The following ZNF277 variants were observed in gnomAD, a reference collection of about 807,000 sequenced individuals.
ZNF277 encodes nuclear receptor-interacting factor 4.
Under a neutral mutation model 60.7 loss-of-function variants are expected in ZNF277, and 55 were observed. That is an observed-to-expected ratio of 0.91 (90% CI 0.73 to 1.13). ZNF277 has a LOEUF of 1.13. Among genes scored for constraint, ZNF277 ranks in the 50% most tolerant of loss-of-function variants. ZNF277 has a pLI of 0.00. For missense variants in ZNF277, 510 were observed against 523.0 expected (o/e 0.98, Z 0.24); for synonymous variants, 178 against 179.3 (o/e 0.99, Z 0.06).
In ZNF277 at chr7:112,336,185, T is replaced by C. The variant is rs1321440261; in HGVS notation, c.869+14T>C. ...CCATCAGGAAGAGTAAGAGTTGTTA[T>C]TGCTGCTAATTAATTGCAGTGTTCC... On this transcript the variant is annotated intron_variant, in intron 8 of 11. Transcript: ENST00000361822. 5 of 1,602,578 alleles carry C rather than the reference T, an allele frequency of 3.1e-6. No homozygotes were observed. The highest frequency in any genetic ancestry group is 4.3e-6 in the Non-Finnish European group (5 of 1,173,706).
intron 1 of ZNF277, among the ~76,000 whole-genome samples, chr7:112,277,670 C>T (rs1340395754): frequency 6.6e-6 from 1 of 152,168 alleles, no homozygotes; most frequent in Non-Finnish European, 1.5e-5. Flanking sequence ...TGCCTAATAG[C>T]TACCATTGTT....
intron 1 of ZNF277, among the ~76,000 whole-genome samples, chr7:112,284,266 C>T (rs999330066): frequency 6.6e-6 from 1 of 152,162 alleles, no homozygotes; most frequent in Non-Finnish European, 1.5e-5. Context: ...GGCTTGTTTT[C>T]AGCAGTCAAA....
chr7:112,305,237 A>C (rs568301347), intron 4 of ZNF277, among the ~76,000 whole-genome samples: 1 of 151,984 alleles, frequency 6.6e-6, no homozygotes, highest in African/African-American at 2.4e-5. Context: ...TAATAATAAT[A>C]ATAATAAGCT....
chr7:112,257,256 A>G (rs1464614794), intron 1 of ZNF277, among the ~76,000 whole-genome samples: 1 of 152,176 alleles, frequency 6.6e-6, no homozygotes, highest in Non-Finnish European at 1.5e-5. Flanking sequence ...TTAAACAAAT[A>G]TTTACCCAGC....
At chr7:112,337,597 C>G (rs778719482) in intron 8 of ZNF277, 133 bp from the exon 9 acceptor site, 1 of 621,844 alleles carries the variant, frequency 1.6e-6, no homozygotes, top group Non-Finnish European at 2.7e-6. Flanking sequence ...ATGTGACAGT[C>G]TTTACCAAAA....
intron 1 of ZNF277, among the ~76,000 whole-genome samples, chr7:112,248,548 A>G (rs181537033): frequency 1.3e-3 from 194 of 152,254 alleles, no homozygotes; most frequent in African/African-American, 4.4e-3. Flanking sequence ...ATGTAACACT[A>G]GAAAGTATAA....
intron 4 of ZNF277, among the ~76,000 whole-genome samples, chr7:112,308,571 G>A (rs1006063158): frequency 5.9e-5 from 9 of 151,988 alleles, no homozygotes; most frequent in Non-Finnish European, 7.4e-5. Context: ...AACTTTGGAA[G>A]CCAATAGTTG....
At chr7:112,248,250 G>A (rs1008518686) in intron 1 of ZNF277, among the ~76,000 whole-genome samples, 1 of 151,550 alleles carries the variant, frequency 6.6e-6, no homozygotes, top group Non-Finnish European at 1.5e-5. Context: ...TGTTGATCAT[G>A]ACTGCAGATA....
intron 1 of ZNF277, among the ~76,000 whole-genome samples, chr7:112,260,197 T>A (rs147649173): frequency 6.6e-6 from 1 of 152,208 alleles, no homozygotes; most frequent in Non-Finnish European, 1.5e-5. Flanking sequence ...GCCCAGGAAG[T>A]TGAGGCTGCA....
intron 1 of ZNF277, among the ~76,000 whole-genome samples, chr7:112,207,789 T>C (rs529749527): frequency 2.0e-5 from 3 of 152,322 alleles, no homozygotes; most frequent in African/African-American, 4.8e-5. Flanking sequence ...CACAGTTAAA[T>C]TGATATCATC....
At chr7:112,230,804 A>G (rs1040686385) in intron 1 of ZNF277, among the ~76,000 whole-genome samples, 4 of 152,158 alleles carry the variant, frequency 2.6e-5, no homozygotes, top group South Asian at 2.1e-4. Flanking sequence ...ATCCATGCCT[A>G]TTTTTACCAG....
chr7:112,261,711 T>C (rs1451310258), intron 1 of ZNF277, among the ~76,000 whole-genome samples: 1 of 152,176 alleles, frequency 6.6e-6, no homozygotes, highest in East Asian at 1.9e-4. Flanking sequence ...TTATTCATAA[T>C]CTTGTCTCCA....
At chr7:112,320,724 C>T (rs545936944) in intron 5 of ZNF277, among the ~76,000 whole-genome samples, 1 of 152,014 alleles carries the variant, frequency 6.6e-6, no homozygotes, top group East Asian at 1.9e-4. Flanking sequence ...TCCATTCTGC[C>T]AGTCTTCACC....
intron 5 of ZNF277, among the ~76,000 whole-genome samples, chr7:112,320,698 G>C (rs901819961): frequency 1.3e-5 from 2 of 151,998 alleles, no homozygotes; most frequent in African/African-American, 4.8e-5. Flanking sequence ...ACAGTATACA[G>C]TTGGATCATT....
chr7:112,243,916 A>T (rs1340852285), intron 1 of ZNF277, among the ~76,000 whole-genome samples: 1 of 152,106 alleles, frequency 6.6e-6, no homozygotes, highest in African/African-American at 2.4e-5. Context: ...CCATCAATGG[A>T]TGATTGGATA....
At chr7:112,306,860 TG>T (rs1319065007) in intron 4 of ZNF277, among the ~76,000 whole-genome samples, 25 of 152,266 alleles carry the variant, frequency 1.6e-4, no homozygotes, top group African/African-American at 5.8e-4. Flanking sequence ...TTGCAGAACT[TG>T]CTTGGCAAAC....
chr7:112,249,279 G>C (rs965546090), intron 1 of ZNF277, among the ~76,000 whole-genome samples: 4 of 152,048 alleles, frequency 2.6e-5, no homozygotes, highest in African/African-American at 7.2e-5. Context: ...TCCCTTTTGT[G>C]TTTTAACCAA....
intron 9 of ZNF277, among the ~76,000 whole-genome samples, 182 bp downstream of exon 9, chr7:112,338,008 C>T (rs768477542): frequency 1.2e-4 from 18 of 152,082 alleles, no homozygotes; most frequent in African/African-American, 4.1e-4. Flanking sequence ...TGACTGGACC[C>T]GAGTGAGCTG....
intron 1 of ZNF277, among the ~76,000 whole-genome samples, chr7:112,211,485 C>T (rs1397230656): frequency 2.0e-5 from 3 of 152,218 alleles, no homozygotes; most frequent in Non-Finnish European, 4.4e-5. Flanking sequence ...GTGTGTTTGT[C>T]AGCCTGATTC....
Sources: allele counts gnomAD v4.1 joint callset (sites outside exome capture counted in the v4.1 genomes callset), GRCh38; gene constraint gnomAD v4.1.1; transcripts MANE v1.5; gene names NCBI Gene and HGNC (gene_info 2026-07-23, HGNC 2026-07-21).